CSMD3: variants seen among roughly 807,000 people sequenced by gnomAD.
CSMD3 encodes the protein CUB and Sushi multiple domains 3.
A neutral mutation model predicts 435.2 loss-of-function variants in CSMD3; 177 were observed. That is an observed-to-expected ratio of 0.41 (90% CI 0.36 to 0.46). The LOEUF (loss-of-function observed/expected upper bound fraction) is 0.46, where lower values mean the gene tolerates loss of function less well. CSMD3 is among the 20% of genes least tolerant of loss of function. CSMD3 has a pLI of 0.34. For synonymous variants in CSMD3, 1,656 were observed against 1,520.5 expected (o/e 1.09, Z -2.07); for missense variants, 4,265 against 4,504.6 (o/e 0.95, Z 1.52).
chr8:112,809,201 A>G (rs2079163391), intron 12 of CSMD3, among the ~76,000 whole-genome samples: 1 of 152,160 alleles, frequency 6.6e-6, no homozygotes, highest in Non-Finnish European at 1.5e-5. Flanking sequence ...TAGAATCCCT[A>G]AGACACAAAA....
At position 112,306,001 on chromosome 8, in the gene CSMD3, A is replaced by C. The variant is rs778498471; in HGVS notation, c.8071+6T>G. 6.2e-6 allele frequency: 10 copies of C among 1,610,626 alleles called. No individual in the cohort carries two copies. Among genetic ancestry groups the C allele is most frequent in the Non-Finnish European group, 8.5e-6 (10 of 1,177,022 alleles). ...ACAAGTGATGAAATTCCCTTGACAC[A>C]CATACCAACACAGCGAGGGGTCTTG... On this transcript the variant is annotated splice_donor_region_variant and intron_variant, in intron 51 of 70. Coordinates refer to ENST00000297405, the MANE Select transcript of CSMD3 (RefSeq NM_198123.2).
chr8:112,785,740 T>G lies in CSMD3; in HGVS notation c.1972+14422A>C, dbSNP rs187813252. On this transcript the variant is annotated intron_variant, in intron 13 of 70. Transcript: ENST00000297405. ...TAAATTTAATCAAAGAAGTGAAAGA[T>G]CTCTACAATGAAAATTATAAAACAT... 1.2e-3 allele frequency among the ~76,000 whole-genome samples: 176 copies of G among 151,858 alleles called. 2 individuals carry two copies. The highest frequency in any genetic ancestry group is 4.0e-3 in the African/African-American group (165 of 41,450).
intron 13 of CSMD3, among the ~76,000 whole-genome samples, chr8:112,716,071 C>T (rs2076719763): frequency 6.6e-6 from 1 of 152,120 alleles, no homozygotes; most frequent in Non-Finnish European, 1.5e-5. Flanking sequence ...GAAGATTTGT[C>T]CAGGGCAATC....
intron 13 of CSMD3, among the ~76,000 whole-genome samples, chr8:112,796,294 C>G (rs1178283080): frequency 6.6e-6 from 1 of 152,040 alleles, no homozygotes; most frequent in Non-Finnish European, 1.5e-5. Context: ...TCAGGCATCC[C>G]ACAAATATTT....
chr8:113,247,257 C>A (rs2093285595), intron 3 of CSMD3, among the ~76,000 whole-genome samples: 1 of 152,128 alleles, frequency 6.6e-6, no homozygotes, highest in Non-Finnish European at 1.5e-5. Flanking sequence ...TCCCACTGAG[C>A]AGTTCTGGCT....
intron 2 of CSMD3, among the ~76,000 whole-genome samples, chr8:113,291,248 A>C (rs940642504): frequency 6.6e-6 from 1 of 151,748 alleles, no homozygotes; most frequent in Non-Finnish European, 1.5e-5. Context: ...TAAACATAAA[A>C]GTCTGCTATA....
At chr8:113,186,600 T>A (rs2131959103) in intron 3 of CSMD3, among the ~76,000 whole-genome samples, 1 of 152,068 alleles carries the variant, frequency 6.6e-6, no homozygotes, top group African/African-American at 2.4e-5. Context: ...CTAGTGATTG[T>A]CCCCTCCTTG....
chr8:113,036,863 C>T (rs919020697), intron 5 of CSMD3, among the ~76,000 whole-genome samples: 1 of 152,004 alleles, frequency 6.6e-6, no homozygotes, highest in African/African-American at 2.4e-5. Flanking sequence ...CCCTCGTTTT[C>T]TCACTTCTTT....
At chr8:113,258,399 T>C (rs1350631581) in intron 3 of CSMD3, among the ~76,000 whole-genome samples, 2 of 152,170 alleles carry the variant, frequency 1.3e-5, no homozygotes, top group South Asian at 2.1e-4. Context: ...CTTTCAATCA[T>C]AGCAATATAT....
intron 3 of CSMD3, among the ~76,000 whole-genome samples, chr8:113,269,500 A>G (rs2132406198): frequency 6.6e-6 from 1 of 152,300 alleles, no homozygotes; most frequent in South Asian, 2.1e-4. Context: ...CCTCATCACC[A>G]AGTCGATCCT....
intron 10 of CSMD3, among the ~76,000 whole-genome samples, chr8:112,895,702 A>T (rs2081930725): frequency 6.6e-6 from 1 of 151,414 alleles, no homozygotes; most frequent in African/African-American, 2.4e-5. Flanking sequence ...AACTTTGAGG[A>T]AAAATAAAGT....
intron 27 of CSMD3, among the ~76,000 whole-genome samples, chr8:112,518,108 TG>T (rs1823869737): frequency 6.6e-6 from 1 of 152,150 alleles, no homozygotes; most frequent in Non-Finnish European, 1.5e-5. Context: ...ATATATGACT[TG>T]GATGAATTTG....
intron 3 of CSMD3, among the ~76,000 whole-genome samples, chr8:113,275,638 T>C (rs1302641852): frequency 1.3e-5 from 2 of 151,898 alleles, no homozygotes; most frequent in South Asian, 2.1e-4. Flanking sequence ...AATGATTATA[T>C]AGAGGAGGAT....
chr8:112,474,419 T>C (rs1818840991), intron 31 of CSMD3, among the ~76,000 whole-genome samples: 2 of 152,084 alleles, frequency 1.3e-5, no homozygotes, highest in African/African-American at 4.8e-5. Flanking sequence ...ATAAAGTAGT[T>C]TGGAGATGCA....
intron 4 of CSMD3, among the ~76,000 whole-genome samples, chr8:113,126,760 A>G (rs1448254858): frequency 6.6e-6 from 1 of 151,852 alleles, no homozygotes; most frequent in African/African-American, 2.4e-5. Flanking sequence ...TCTACAATTA[A>G]TTTAAAAAAC....
intron 12 of CSMD3, 47 bp downstream of exon 12, chr8:112,829,639 A>G (rs1174867042): frequency 9.5e-7 from 1 of 1,050,026 alleles, no homozygotes; most frequent in East Asian, 2.4e-5. Flanking sequence ...GTAAAATTTT[A>G]TTAGTACCCG....
chr8:113,392,246 T>C (rs2094463993), intron 1 of CSMD3, among the ~76,000 whole-genome samples: 1 of 152,040 alleles, frequency 6.6e-6, no homozygotes, highest in African/African-American at 2.4e-5. Context: ...ATTAAATAGG[T>C]AAATGTTTCT....
In CSMD3 at chr8:113,434,564, TAGG is replaced by T. The variant is rs536633063; in HGVS notation, c.178+2110_178+2112del. Among the ~76,000 whole-genome samples, 369 of 152,298 alleles carry T rather than the reference TAGG, an allele frequency of 2.4e-3. 1 individual carries two copies. The highest frequency in any genetic ancestry group is 8.3e-3 in the African/African-American group (347 of 41,574). Reference sequence around the variant, plus strand: ...GGACAGTATTCCAAGTCGTAAAATGTAGGAGATGCCTTCCAAGTGCCCGATGAG... The same window carrying T: ...GGACAGTATTCCAAGTCGTAAAATGTAGATGCCTTCCAAGTGCCCGATGAG... On this transcript the variant is annotated intron_variant, in intron 1 of 70. Coordinates refer to ENST00000297405, the MANE Select transcript of CSMD3 (RefSeq NM_198123.2).
At chr8:112,343,521 A>AT (rs1031302424) in intron 41 of CSMD3, among the ~76,000 whole-genome samples, 1 of 151,854 alleles carries the variant, frequency 6.6e-6, no homozygotes, top group African/African-American at 2.4e-5. Context: ...GGCATGTTTA[A>AT]TTTTTTTTAG....
Sources: gnomAD v4.1 joint callset for allele counts (sites outside exome capture counted in the v4.1 genomes callset) on GRCh38, gnomAD v4.1.1 for gene constraint, MANE v1.5 for transcripts, NCBI Gene and HGNC (gene_info 2026-07-23, HGNC 2026-07-21) for gene names.